CLIC5: variants seen among roughly 807,000 people sequenced by gnomAD.
CLIC5 encodes CLIC family member 5, also known as chloride intracellular channel protein 5.
Under a neutral mutation model 24.7 loss-of-function variants are expected in CLIC5, and 20 were observed. That is an observed-to-expected ratio of 0.81 (90% CI 0.57 to 1.18). The LOEUF is 1.18. Ranked by LOEUF, CLIC5 falls within the 50% of genes most tolerant of loss-of-function variation. The probability of loss-of-function intolerance (pLI) is 0.00; values close to 1 mark genes in which losing one functional copy is unlikely to be tolerated. For synonymous variants in CLIC5, 159 were observed against 135.6 expected (o/e 1.17, Z -1.20); for missense variants, 341 against 326.1 (o/e 1.05, Z -0.35).
chr6:46,124,292 A>T, the CLIC5 span, among the ~76,000 whole-genome samples: 1 of 152,204 alleles, frequency 6.6e-6, no homozygotes, highest in African/African-American at 2.4e-5. Flanking sequence ...ATCTAAAACT[A>T]TCTGATCTTT....
In CLIC5 at chr6:46,010,729, C is replaced by G. The variant is rs372428840; in HGVS notation, c.63+4751G>C. Among the ~76,000 whole-genome samples, 101 of 152,318 alleles carry G rather than the reference C, an allele frequency of 6.6e-4. 3 individuals are homozygous for G. The South Asian group carries it at 0.02, about 29-fold the overall frequency. The stretch of plus-strand genomic sequence containing the variant: ...CATGGCACTTCAAATATGCATCATA[C>G]AACTCTTGACGCTAGCTCTCCAGGG... On this transcript the variant is annotated intron_variant, in intron 1 of 5. Coordinates refer to ENST00000339561, the MANE Select transcript of CLIC5 (RefSeq NM_016929.5).
the CLIC5 span, among the ~76,000 whole-genome samples, chr6:46,090,199 T>A: frequency 5.9e-5 from 9 of 152,258 alleles, no homozygotes; most frequent in Admixed American, 4.6e-4. Context: ...ACACGTTTTA[T>A]ATCAAAGGTA....
intron 5 of CLIC5, chr6:45,912,353 C>T (rs1468937782): frequency 9.8e-7 from 1 of 1,021,716 alleles, no homozygotes; most frequent in African/African-American, 1.7e-5. Context: ...TGAATTTTCT[C>T]CAAGGACAGG....
intron 1 of CLIC5, among the ~76,000 whole-genome samples, chr6:45,959,415 A>G (rs1764775190): frequency 6.6e-6 from 1 of 152,248 alleles, no homozygotes; most frequent in African/African-American, 2.4e-5. Context: ...AATTTAGTAA[A>G]AGTGGCAATG....
chr6:46,095,745 C>T, the CLIC5 span, among the ~76,000 whole-genome samples: 2 of 152,128 alleles, frequency 1.3e-5, no homozygotes, highest in East Asian at 3.9e-4. Flanking sequence ...CCAAACTTTC[C>T]CCCGTCTTCC....
At chr6:45,887,718 G>A (rs941124375) in intron 6 of CLIC5, among the ~76,000 whole-genome samples, 5 of 152,180 alleles carry the variant, frequency 3.3e-5, no homozygotes, top group Non-Finnish European at 5.9e-5. Context: ...AACAGACAAT[G>A]GCTTTTTAAT....
intron 1 of CLIC5, among the ~76,000 whole-genome samples, chr6:46,022,792 T>C (rs1038876040): frequency 6.6e-6 from 1 of 152,180 alleles, no homozygotes; most frequent in African/African-American, 2.4e-5. Context: ...TTTCGGGGTG[T>C]CTACTATGTG....
intron 1 of CLIC5, among the ~76,000 whole-genome samples, chr6:45,972,351 T>C (rs1461582623): frequency 6.6e-6 from 1 of 152,184 alleles, no homozygotes; most frequent in African/African-American, 2.4e-5. Context: ...AAGGATGACA[T>C]ACAATAATGG....
chr6:46,051,286 C>G (rs776976576), intron 1 of CLIC5, among the ~76,000 whole-genome samples: 5 of 152,220 alleles, frequency 3.3e-5, no homozygotes, highest in Admixed American at 1.3e-4. Flanking sequence ...TGGCCAGGAA[C>G]TTGGAGACCT....
chr6:46,067,430 G>A (rs997408828), intron 1 of CLIC5, among the ~76,000 whole-genome samples: 2 of 152,172 alleles, frequency 1.3e-5, no homozygotes, highest in African/African-American at 4.8e-5. Context: ...GGTTGACACT[G>A]AACCTTTTCT....
Position 45,936,581 on chromosome 6 carries a change from T to G in CLIC5, c.406+4966A>C, listed in dbSNP as rs58075690. Among the ~76,000 whole-genome samples, 971 of 152,230 alleles carry G rather than the reference T, an allele frequency of 6.4e-3. 12 individuals carry two copies. The highest frequency in any genetic ancestry group is 0.022 in the African/African-American group (902 of 41,524). On this transcript the variant is annotated intron_variant, in intron 4 of 5. Transcript: ENST00000339561. ...GAGGTATACACAGTTATTACCCCCA[T>G]TTCACAGATGAGGAAACTGAGGCAT...
At chr6:45,893,213 T>A (rs988284134) in intron 6 of CLIC5, among the ~76,000 whole-genome samples, 9 of 151,704 alleles carry the variant, frequency 5.9e-5, no homozygotes, top group Middle Eastern at 3.2e-3. Context: ...AAGGGCCAAA[T>A]ATTTAGTGCC....
chr6:45,912,626 T>C, intron 5 of CLIC5: 1 of 1,472,724 alleles, frequency 6.8e-7, no homozygotes, highest in Non-Finnish European at 9.2e-7. Context: ...CTCATGCTGC[T>C]AGTTGGCAGC....
chr6:45,974,538 G>T lies in CLIC5; in HGVS notation c.64-19294C>A, dbSNP rs866760176. Among the ~76,000 whole-genome samples, 953 of 134,332 alleles carry T rather than the reference G, an allele frequency of 7.1e-3. 2 individuals carry two copies. The highest frequency in any genetic ancestry group is 0.018 in the African/African-American group (632 of 35,794). The allele number at this position is 134,332 out of a possible 152,430, so 88.1% of individuals were successfully genotyped here. On this transcript the variant is annotated intron_variant, in intron 1 of 5. Coordinates refer to ENST00000339561, the MANE Select transcript of CLIC5 (RefSeq NM_016929.5). ...ATATATATATAGAGAGAGAGAGAGAGAGAGAGAGAGAGAGAGAGAGAGAGA... is the reference window on the plus strand; with the variant it reads ...ATATATATATAGAGAGAGAGAGAGATAGAGAGAGAGAGAGAGAGAGAGAGA...
At position 46,036,014 on chromosome 6, in the gene CLIC5, G is replaced by A. The variant is rs184402205; in HGVS notation, c.540+43689C>T. Among the ~76,000 whole-genome samples the A allele has an allele frequency of 8.8e-4, 134 of 152,100 alleles. 1 individual carries two copies. Among genetic ancestry groups the A allele is most frequent in the African/African-American group, 3.1e-3 (130 of 41,494 alleles). ...CCTGCCTCGGCCTCCCAAAGTGCTGGGATTACAGGCGTGAGCAAGCATGCC... is the reference window on the plus strand; with the variant it reads ...CCTGCCTCGGCCTCCCAAAGTGCTGAGATTACAGGCGTGAGCAAGCATGCC... On this transcript the variant is annotated intron_variant, in intron 1 of 5. Transcript: ENST00000185206.
intron 4 of CLIC5, among the ~76,000 whole-genome samples, chr6:45,935,238 C>T (rs1181943461): frequency 6.6e-6 from 1 of 152,188 alleles, no homozygotes; most frequent in Non-Finnish European, 1.5e-5. Flanking sequence ...GTCAAAGAAA[C>T]CCCTTTAGGG....
chr6:45,983,687 A>G (rs960371167), intron 1 of CLIC5, among the ~76,000 whole-genome samples: 1 of 152,192 alleles, frequency 6.6e-6, no homozygotes, highest in African/African-American at 2.4e-5. Flanking sequence ...CCCTTCATTC[A>G]TTCATTCATT....
At chr6:46,075,474 AT>A (rs1330001766) in intron 1 of CLIC5, among the ~76,000 whole-genome samples, 2 of 152,004 alleles carry the variant, frequency 1.3e-5, no homozygotes, top group African/African-American at 4.8e-5. Context: ...GGTCCCAGCT[AT>A]TCTAGAGGCT....
At chr6:45,936,897 A>G (rs1268624596) in intron 4 of CLIC5, among the ~76,000 whole-genome samples, 1 of 152,078 alleles carries the variant, frequency 6.6e-6, no homozygotes, top group Non-Finnish European at 1.5e-5. Flanking sequence ...AATCCAGTCT[A>G]CATTTAAGTG....
Sources: gnomAD v4.1 joint callset for allele counts (sites outside exome capture counted in the v4.1 genomes callset) on GRCh38, gnomAD v4.1.1 for gene constraint, MANE v1.5 for transcripts, NCBI Gene and HGNC (gene_info 2026-07-23, HGNC 2026-07-21) for gene names.